The following CNTN4 variants were observed in gnomAD, a reference collection of about 807,000 sequenced individuals.
CNTN4 encodes contactin 4, also known as contactin-4.
A neutral mutation model predicts 122.5 loss-of-function variants in CNTN4; 77 were observed. That is an observed-to-expected ratio of 0.63 (90% CI 0.52 to 0.76). CNTN4 has a LOEUF of 0.76. CNTN4 is among the 30% of genes least tolerant of loss of function. The probability of loss-of-function intolerance (pLI) is 0.00; values close to 1 mark genes in which losing one functional copy is unlikely to be tolerated. For synonymous variants in CNTN4, 512 were observed against 447.0 expected, an observed-to-expected ratio of 1.15 and a Z score of -1.83; for missense variants, 1,256 against 1,259.1, an observed-to-expected ratio of 1.00 and a Z score of 0.04.
chr3:2,106,264 C>G (rs562637277), intron 2 of CNTN4, among the ~76,000 whole-genome samples: 5 of 152,344 alleles, frequency 3.3e-5, no homozygotes, highest in South Asian at 2.1e-4. Context: ...CTTCTCACAG[C>G]TCCATTAGGC....
At position 3,002,443 on chromosome 3, in the gene CNTN4, TAGAG is replaced by T. The variant is rs540695061; in HGVS notation, c.1486+13981_1486+13984del. On this transcript the variant is annotated intron_variant, in intron 14 of 24. Transcript: ENST00000418658. Reference sequence around the variant, plus strand: ...AGCTCAAAAAAGAGAGAAACAGAGATAGAGAGAGAGAGAAATAATAAAATAGTAG... The same window carrying T: ...AGCTCAAAAAAGAGAGAAACAGAGATAGAGAGAGAAATAATAAAATAGTAG... Among the ~76,000 whole-genome samples the T allele has an allele frequency of 3.9e-5, 6 of 151,996 alleles. No individual in the cohort carries two copies. The South Asian group carries it at 8.3e-4, about 21-fold the overall frequency.
At chr3:2,991,636 C>G (rs1034546027) in intron 14 of CNTN4, among the ~76,000 whole-genome samples, 2 of 152,078 alleles carry the variant, frequency 1.3e-5, no homozygotes, top group Non-Finnish European at 2.9e-5. Flanking sequence ...AGTGCGAGGT[C>G]TCCAAGAAGG....
At chr3:2,137,482 A>G (rs1475875036) in intron 2 of CNTN4, among the ~76,000 whole-genome samples, 2 of 151,498 alleles carry the variant, frequency 1.3e-5, no homozygotes, top group Non-Finnish European at 2.9e-5. Context: ...TTCCTTGTGA[A>G]TGATAATTTG....
At chr3:2,360,247 A>G (rs2045069696) in intron 3 of CNTN4, among the ~76,000 whole-genome samples, 1 of 152,196 alleles carries the variant, frequency 6.6e-6, no homozygotes, top group African/African-American at 2.4e-5. Flanking sequence ...ACAGAAGGTC[A>G]GTTTGAGCAT....
intron 8 of CNTN4, among the ~76,000 whole-genome samples, chr3:2,870,218 T>A (rs1481872468): frequency 6.6e-6 from 1 of 152,234 alleles, no homozygotes; most frequent in East Asian, 1.9e-4. Flanking sequence ...TTTAGATTTA[T>A]CTTGATTTGT....
At chr3:2,821,312 T>A (rs1369450191) in intron 7 of CNTN4, among the ~76,000 whole-genome samples, 1 of 152,182 alleles carries the variant, frequency 6.6e-6, no homozygotes, top group Non-Finnish European at 1.5e-5. Flanking sequence ...TTCTAGAGGA[T>A]GTCTTCCAGG....
At chr3:2,632,064 G>A (rs913909132) in intron 4 of CNTN4, among the ~76,000 whole-genome samples, 40 of 144,012 alleles carry the variant, frequency 2.8e-4, no homozygotes, top group East Asian at 1.2e-3. Context: ...ATACACATAC[G>A]CACACACACA....
chr3:2,537,411 A>G (rs2077853605), intron 3 of CNTN4, among the ~76,000 whole-genome samples: 1 of 152,064 alleles, frequency 6.6e-6, no homozygotes, highest in Non-Finnish European at 1.5e-5. Context: ...TGTGAGAGCT[A>G]TGTCTGTGAT....
intron 7 of CNTN4, among the ~76,000 whole-genome samples, chr3:2,842,940 C>A (rs1333020978): frequency 6.6e-6 from 1 of 152,030 alleles, no homozygotes; most frequent in African/African-American, 2.4e-5. Context: ...AGACCCAGGC[C>A]TTTATCTCTC....
intron 4 of CNTN4, among the ~76,000 whole-genome samples, chr3:2,689,609 A>G (rs2085618279): frequency 6.6e-6 from 1 of 152,170 alleles, no homozygotes; most frequent in African/African-American, 2.4e-5. Context: ...GAAGGAGGGA[A>G]TGGATACCAG....
chr3:2,538,842 T>G (rs1404815493), intron 3 of CNTN4, among the ~76,000 whole-genome samples: 1 of 151,822 alleles, frequency 6.6e-6, no homozygotes, highest in East Asian at 1.9e-4. Flanking sequence ...TATACATATA[T>G]ATGCACACAC....
intron 2 of CNTN4, among the ~76,000 whole-genome samples, chr3:2,225,468 G>C (rs546892067): frequency 6.6e-6 from 1 of 152,020 alleles, no homozygotes; most frequent in East Asian, 1.9e-4. Context: ...AGCCGAGATC[G>C]TGCTGCTGCA....
chr3:2,484,175 C>A (rs2076081784), intron 3 of CNTN4, among the ~76,000 whole-genome samples: 1 of 151,908 alleles, frequency 6.6e-6, no homozygotes, highest in Admixed American at 6.6e-5. Context: ...GAAAAAAATA[C>A]ACAGACAGCA....
chr3:2,167,657 A>T (rs72622129), intron 2 of CNTN4, among the ~76,000 whole-genome samples: 13,612 of 152,266 alleles, frequency 0.089, 1,156 homozygotes, highest in East Asian at 0.32. Context: ...TGATAACCAT[A>T]AGCTTTTTAC....
chr3:2,158,946 A>G (rs2035837872), intron 2 of CNTN4, among the ~76,000 whole-genome samples: 1 of 152,188 alleles, frequency 6.6e-6, no homozygotes, highest in Admixed American at 6.5e-5. Context: ...TTGGTGGGCT[A>G]GACAGGACAT....
chr3:2,559,786 GAACT>G (rs1468119567), intron 3 of CNTN4, among the ~76,000 whole-genome samples: 1 of 152,174 alleles, frequency 6.6e-6, no homozygotes, highest in African/African-American at 2.4e-5. Flanking sequence ...ATGTAGTCAT[GAACT>G]AAAGCATGAT....
chr3:2,533,179 A>G (rs1306872456), intron 3 of CNTN4, among the ~76,000 whole-genome samples: 1 of 151,618 alleles, frequency 6.6e-6, no homozygotes, highest in Non-Finnish European at 1.5e-5. Flanking sequence ...ACATGTGCAC[A>G]ACAGGCAGGT....
At chr3:2,218,614 G>C (rs2038943215) in intron 2 of CNTN4, among the ~76,000 whole-genome samples, 1 of 152,260 alleles carries the variant, frequency 6.6e-6, no homozygotes, top group East Asian at 1.9e-4. Context: ...AAATATTTGT[G>C]ATAACTATAA....
At chr3:3,013,002 A>C (rs1697391527) in intron 14 of CNTN4, among the ~76,000 whole-genome samples, 1 of 152,040 alleles carries the variant, frequency 6.6e-6, no homozygotes, top group African/African-American at 2.4e-5. Flanking sequence ...CCTTTGTATT[A>C]ATTCACCTTA....
Sources: allele counts gnomAD v4.1 joint callset (sites outside exome capture counted in the v4.1 genomes callset), GRCh38; gene constraint gnomAD v4.1.1; transcripts MANE v1.5; gene names NCBI Gene and HGNC (gene_info 2026-07-23, HGNC 2026-07-21).